The following RNF144B variants were observed in gnomAD, a reference collection of about 807,000 sequenced individuals.
RNF144B encodes ring finger protein 144B, also known as E3 ubiquitin-protein ligase RNF144B.
Under a neutral mutation model 40.2 loss-of-function variants are expected in RNF144B, and 25 were observed. The ratio of observed to expected loss-of-function variants is 0.62; its 90% CI spans 0.45 to 0.87. The LOEUF (loss-of-function observed/expected upper bound fraction) is 0.87. RNF144B is among the 40% of genes least tolerant of loss of function. The pLI, the probability that RNF144B is intolerant of heterozygous loss-of-function variation, is 0.00. For synonymous variants in RNF144B, 145 were observed against 136.3 expected (o/e 1.06, Z -0.44); for missense variants, 365 against 373.7 (o/e 0.98, Z 0.19).
rs761239823 is a variant in RNF144B, at chr6:18,387,598, C to G, written c.-69C>G. 2.2e-4 allele frequency: 286 copies of G among 1,318,700 alleles called. No homozygotes were observed. Among genetic ancestry groups the G allele is most frequent in the Non-Finnish European group, 2.6e-4 (266 of 1,004,954 alleles). The allele number at this position is 1,318,700 out of a possible 1,614,324, so 81.7% of individuals were successfully genotyped here. A position where few individuals can be genotyped will look rare whatever the true frequency, so the allele number is the denominator to read the frequency against. ...GAGCGCGAGGGAGGCTACTGAGAAGCCCGGCGACGGAGGAACGCAGGTCTG... is the reference window on the plus strand; with the variant it reads ...GAGCGCGAGGGAGGCTACTGAGAAGGCCGGCGACGGAGGAACGCAGGTCTG... On this transcript the variant is annotated 5_prime_UTR_variant, in exon 1 of 8. Coordinates refer to ENST00000259939, the MANE Select transcript of RNF144B (RefSeq NM_182757.4).
chr6:18,410,142 G>T lies in RNF144B; in HGVS notation c.165+10443G>T, dbSNP rs533507444. Among the ~76,000 whole-genome samples the T allele has an allele frequency of 6.3e-4, 96 of 152,296 alleles. No homozygotes were observed. Among genetic ancestry groups the T allele is most frequent in the African/African-American group, 2.2e-3 (93 of 41,558 alleles). The stretch of plus-strand genomic sequence containing the variant: ...ATGACCAGAGAGCAGGCAAAAGTTG[G>T]TTTCTGATGAGAGAACTTTTCCATT... On this transcript the variant is annotated intron_variant, in intron 2 of 7. Transcript: ENST00000259939. The surrounding 1 kb of genome is among the most constrained non-coding windows in gnomAD (Gnocchi z 4.6).
rs1322679591 is a variant in RNF144B at position 18,395,890 on chromosome 6, G to C, written c.-36-3609G>C. Among the ~76,000 whole-genome samples, 1 of 152,052 alleles carries C rather than the reference G, an allele frequency of 6.6e-6. No homozygotes were observed. Among genetic ancestry groups the C allele is most frequent in the Non-Finnish European group, 1.5e-5 (1 of 68,008 alleles). On this transcript the variant is annotated intron_variant, in intron 1 of 7. Transcript: ENST00000259939. This position sits in a 1 kb window ranked among gnomAD's most constrained non-coding sequence, Gnocchi z 4.5. ...CTGAGAGCCATTGCTTTAGGGAATT[G>C]GTGTTATTGTACACAGAAAAATAAA...
At chr6:18,400,000 G>A (rs539524901) in intron 2 of RNF144B, among the ~76,000 whole-genome samples, 4 of 152,220 alleles carry the variant, frequency 2.6e-5, no homozygotes, top group Admixed American at 2.6e-4. Flanking sequence ...GGCCAGGTGC[G>A]TTGCCTCACA....
intron 4 of RNF144B, among the ~76,000 whole-genome samples, chr6:18,440,092 G>T (rs1758925482): frequency 6.6e-6 from 1 of 152,142 alleles, no homozygotes; most frequent in Non-Finnish European, 1.5e-5. Context: ...GATTCTTGAA[G>T]ATCACTTCGA....
intron 2 of RNF144B, among the ~76,000 whole-genome samples, chr6:18,421,034 C>T (rs1023699689): frequency 1.3e-5 from 2 of 151,878 alleles, no homozygotes; most frequent in African/African-American, 4.8e-5. Flanking sequence ...GCAGACAGAT[C>T]ACTTGAGCTC....
chr6:18,453,830 T>G (rs1195056854), intron 4 of RNF144B, among the ~76,000 whole-genome samples: 1 of 152,192 alleles, frequency 6.6e-6, no homozygotes, highest in Admixed American at 6.5e-5. Flanking sequence ...CAGTCCTTGT[T>G]TGAACTGGGT....
At chr6:18,452,788 T>A (rs1045651705) in intron 4 of RNF144B, among the ~76,000 whole-genome samples, 4 of 152,274 alleles carry the variant, frequency 2.6e-5, no homozygotes, top group South Asian at 2.1e-4. Context: ...TACATATTTT[T>A]ATTTTATTTA....
chr6:18,428,801 G>A (rs1442925338), intron 3 of RNF144B, among the ~76,000 whole-genome samples: 1 of 152,124 alleles, frequency 6.6e-6, no homozygotes, highest in South Asian at 2.1e-4. Context: ...AGGCCCAGAA[G>A]GTTTAAGTAA....
At chr6:18,429,327 T>C (rs1758640243) in intron 3 of RNF144B, among the ~76,000 whole-genome samples, 1 of 147,064 alleles carries the variant, frequency 6.8e-6, no homozygotes, top group African/African-American at 2.4e-5. Flanking sequence ...TGTGTATAGA[T>C]ATATATACTG....
At chr6:18,453,341 G>T (rs62399561) in intron 4 of RNF144B, among the ~76,000 whole-genome samples, 1 of 151,568 alleles carries the variant, frequency 6.6e-6, no homozygotes, top group Non-Finnish European at 1.5e-5. Context: ...GTTTCACCAT[G>T]TTGGCCAGGC....
At chr6:18,397,962 AC>A (rs1794724820) in intron 1 of RNF144B, among the ~76,000 whole-genome samples, 1 of 152,058 alleles carries the variant, frequency 6.6e-6, no homozygotes, top group Non-Finnish European at 1.5e-5. Context: ...GAAACTCTGT[AC>A]CCGTTGAACA....
At chr6:18,461,771 A>T (rs1157476129) in intron 6 of RNF144B, among the ~76,000 whole-genome samples, 1 of 152,130 alleles carries the variant, frequency 6.6e-6, no homozygotes, top group African/African-American at 2.4e-5. Flanking sequence ...GTGGAGTTCT[A>T]CATCAGATGG....
intron 2 of RNF144B, among the ~76,000 whole-genome samples, chr6:18,426,753 A>G (rs1390003835): frequency 8.7e-6 from 1 of 114,716 alleles, no homozygotes; most frequent in Non-Finnish European, 2.0e-5. Context: ...TCTTTTTTCT[A>G]TTCAATGTCT....
intron 4 of RNF144B, among the ~76,000 whole-genome samples, chr6:18,453,374 G>A (rs1472651736): frequency 3.3e-5 from 5 of 151,802 alleles, no homozygotes; most frequent in Admixed American, 6.6e-5. Flanking sequence ...CCTGCCTCAG[G>A]TGATCCACCC....
chr6:18,417,979 T>C lies in RNF144B; in HGVS notation c.166-9602T>C, dbSNP rs148742034. On this transcript the variant is annotated intron_variant, in intron 2 of 7. Transcript: ENST00000259939. ...ATGATGTACAAATTACCAATAAGCA[T>C]GTGAAAAGATGCTCAAAATCACTAG... is the stretch of plus-strand genomic sequence containing the variant. Among the ~76,000 whole-genome samples, 820 of 152,280 alleles carry C rather than the reference T, an allele frequency of 5.4e-3. 13 individuals are homozygous for C. The highest frequency in any genetic ancestry group is 0.019 in the African/African-American group (779 of 41,566).
Position 18,419,864 on chromosome 6 carries a change from T to G in RNF144B, c.166-7717T>G, listed in dbSNP as rs1306454696. ...ATGACTTTTCTTTGATTTCTTTGAT[T>G]AGGATATTTTGAACATGTTCAAGTA... is the stretch of plus-strand genomic sequence containing the variant. On this transcript the variant is annotated intron_variant, in intron 2 of 7. Transcript: ENST00000259939. This position sits in a 1 kb window ranked among gnomAD's most constrained non-coding sequence, Gnocchi z 4.6. 1.3e-5 allele frequency among the ~76,000 whole-genome samples: 2 copies of G among 152,146 alleles called. No homozygotes were observed. Among genetic ancestry groups the G allele is most frequent in the African/African-American group, 4.8e-5 (2 of 41,414 alleles).
Position 18,396,665 on chromosome 6 carries a change from T to C in RNF144B, c.-36-2834T>C, listed in dbSNP as rs141740724. Reference sequence around the variant, plus strand: ...GGGATTTCTCTTGAAAGAAAGATAATTCAGAATAGATTGCATAAGCAGTGA... The same window carrying C: ...GGGATTTCTCTTGAAAGAAAGATAACTCAGAATAGATTGCATAAGCAGTGA... On this transcript the variant is annotated intron_variant, in intron 1 of 7. Transcript: ENST00000259939. The C allele has an allele frequency of 5.1e-6, 5 of 985,358 alleles. No individual in the cohort carries two copies. The East Asian group carries it at 4.5e-4, about 89-fold the overall frequency. The allele number at this position is 985,358 out of a possible 1,614,324, so 61.0% of individuals were successfully genotyped here.
At chr6:18,429,152 C>G (rs1488258001) in intron 3 of RNF144B, among the ~76,000 whole-genome samples, 1 of 151,990 alleles carries the variant, frequency 6.6e-6, no homozygotes, top group Non-Finnish European at 1.5e-5. Flanking sequence ...AAGCCTTGAT[C>G]ACATCACTGC....
chr6:18,451,436 A>G (rs1207655253), intron 4 of RNF144B, among the ~76,000 whole-genome samples: 3 of 152,228 alleles, frequency 2.0e-5, no homozygotes. Flanking sequence ...TTCCGTAAAT[A>G]AGTATGAAAG....
Sources: allele counts gnomAD v4.1 joint callset (sites outside exome capture counted in the v4.1 genomes callset), GRCh38; gene constraint gnomAD v4.1.1; non-coding constraint Gnocchi (gnomAD v3.1); transcripts MANE v1.5; gene names NCBI Gene and HGNC (gene_info 2026-07-23, HGNC 2026-07-21).